Variants in EPB41L3 observed in about 807,000 individuals in gnomAD.
EPB41L3 encodes erythrocyte membrane protein band 4.1 like 3.
EPB41L3 carries 57 observed loss-of-function variants against 127.1 expected under a neutral mutation model. The observed-to-expected ratio is 0.45, with a 90% confidence interval of 0.36 to 0.56. The LOEUF (loss-of-function observed/expected upper bound fraction) is 0.56. Among genes scored for constraint, EPB41L3 ranks in the 20% least tolerant of loss-of-function variants. The probability of loss-of-function intolerance (pLI) is 0.00; values close to 1 mark genes in which losing one functional copy is unlikely to be tolerated. For synonymous variants in EPB41L3, 572 were observed against 549.5 expected, an observed-to-expected ratio of 1.04 and a Z score of -0.57; for missense variants, 1,273 against 1,372.2, an observed-to-expected ratio of 0.93 and a Z score of 1.14.
chr18:5,394,418 G>A (rs2072975049), intron 22 of EPB41L3: 2 of 352,276 alleles, frequency 5.7e-6, no homozygotes, highest in African/African-American at 4.1e-5. Flanking sequence ...GGAACACCAG[G>A]AAGACCACAC....
chr18:5,608,661 AATT>A (rs1404765840), intron 3 of EPB41L3, among the ~76,000 whole-genome samples: 1 of 152,200 alleles, frequency 6.6e-6, no homozygotes, highest in East Asian at 1.9e-4. Flanking sequence ...TCTGGCTACC[AATT>A]ATTACTGGAA....
At chr18:5,547,466 G>C (rs1217983134), upstream of EPB41L3, among the ~76,000 whole-genome samples, 3 of 152,118 alleles carry the variant, frequency 2.0e-5, no homozygotes, top group African/African-American at 7.2e-5. Flanking sequence ...ACAATCCATG[G>C]AAAGTCAGGA....
In EPB41L3 at chr18:5,604,449, A is replaced by G. The variant is rs527363320; in HGVS notation, c.-306+7891T>C. 2.0e-5 allele frequency among the ~76,000 whole-genome samples: 3 copies of G among 152,186 alleles called. No individual in the cohort carries two copies. In the East Asian group the frequency reaches 5.8e-4, roughly 29 times the overall value. On this transcript the variant is annotated intron_variant, in intron 3 of 21. Coordinates refer to the EPB41L3 transcript ENST00000545076. ...ATTCAGAGAGAAATCCATTTTATTA[A>G]AAACCATTTCTTTCTCTTTTTTTTG...
chr18:5,521,577 C>T (rs2092991912), intron 1 of EPB41L3, among the ~76,000 whole-genome samples: 1 of 152,320 alleles, frequency 6.6e-6, no homozygotes, highest in East Asian at 1.9e-4. Flanking sequence ...GACAAAATGG[C>T]TTTGGAATGA....
At chr18:5,455,177 G>A (rs759097357) in intron 3 of EPB41L3, among the ~76,000 whole-genome samples, 7 of 152,164 alleles carry the variant, frequency 4.6e-5, no homozygotes, top group Middle Eastern at 3.4e-3. Context: ...TTTTCATAAG[G>A]AGCCTGATAA....
In EPB41L3 at chr18:5,396,246, T is replaced by C; in HGVS notation, c.2928A>G (p.Pro976=). Residue 976 remains proline, a synonymous_variant, in exon 19 of 23, where the codon CCA becomes CCG. Coordinates refer to ENST00000341928, the MANE Select transcript of EPB41L3 (RefSeq NM_012307.5). Reference sequence around the variant, plus strand: ...TGGTTTTGGTTTCGGTGTGAACTACTGGCACTTCCTTCGTGGAAATTTCTA... The same window carrying C: ...TGGTTTTGGTTTCGGTGTGAACTACCGGCACTTCCTTCGTGGAAATTTCTA... The part of the protein sequence containing the change: ...VKLEISTKEV[P]VVHTETKTIT... 1 of 1,614,258 alleles carries C rather than the reference T, an allele frequency of 6.2e-7. No individual in the cohort carries two copies. The highest frequency in any genetic ancestry group is 8.5e-7 in the Non-Finnish European group (1 of 1,180,040).
At chr18:5,488,513 T>G (rs942109562) in intron 2 of EPB41L3, among the ~76,000 whole-genome samples, 1 of 151,748 alleles carries the variant, frequency 6.6e-6, no homozygotes, top group South Asian at 2.1e-4. Flanking sequence ...TGTATACCTA[T>G]GTAACAAACC....
chr18:5,454,187 T>C (rs1367631975), intron 3 of EPB41L3, among the ~76,000 whole-genome samples: 1 of 149,908 alleles, frequency 6.7e-6, no homozygotes, highest in Admixed American at 6.7e-5. Flanking sequence ...AAGCGGAGAG[T>C]GTGTTTTTTT....
chr18:5,513,556 T>C (rs1311806803), intron 1 of EPB41L3, among the ~76,000 whole-genome samples: 2 of 152,088 alleles, frequency 1.3e-5, no homozygotes, highest in Non-Finnish European at 2.9e-5. Context: ...ACCTAGAGGG[T>C]AAGAGTCTAT....
intron 1 of EPB41L3, among the ~76,000 whole-genome samples, chr18:5,524,715 A>G (rs1380584621): frequency 6.6e-6 from 1 of 152,094 alleles, no homozygotes; most frequent in Admixed American, 6.6e-5. Flanking sequence ...TTAACCACTC[A>G]AAAAGTTAGG....
At chr18:5,505,980 T>C (rs1344164810) in intron 1 of EPB41L3, among the ~76,000 whole-genome samples, 5 of 141,548 alleles carry the variant, frequency 3.5e-5, no homozygotes. Flanking sequence ...CTTCTCTGCA[T>C]ACCTTCACTT....
chr18:5,487,634 G>A (rs957665499), intron 2 of EPB41L3, among the ~76,000 whole-genome samples: 6 of 151,352 alleles, frequency 4.0e-5, no homozygotes, highest in African/African-American at 1.5e-4. Flanking sequence ...TGGGATTACA[G>A]ACGTGCACCA....
At chr18:5,404,298 T>C (rs1274933637) in intron 16 of EPB41L3, among the ~76,000 whole-genome samples, 1 of 152,240 alleles carries the variant, frequency 6.6e-6, no homozygotes, top group Non-Finnish European at 1.5e-5. Context: ...AAGCTCTTTC[T>C]GCTATGTCTC....
rs148923744 is a variant in EPB41L3, at chr18:5,622,499, G to A, written c.-468+6423C>T. On this transcript the variant is annotated intron_variant, in intron 1 of 21. Coordinates refer to the EPB41L3 transcript ENST00000545076. Reference sequence around the variant, plus strand: ...CAGTTGCTACGCATCCCAGTATGCAGTGAGCTAAATAGTAAGGCAATCTTG... The same window carrying A: ...CAGTTGCTACGCATCCCAGTATGCAATGAGCTAAATAGTAAGGCAATCTTG... Among the ~76,000 whole-genome samples, 242 of 152,312 alleles carry A rather than the reference G, an allele frequency of 1.6e-3. 2 individuals are homozygous for A. In the East Asian group the frequency reaches 0.032, roughly 20 times the overall value.
At chr18:5,520,975 C>G (rs186649168) in intron 1 of EPB41L3, among the ~76,000 whole-genome samples, 13 of 152,252 alleles carry the variant, frequency 8.5e-5, no homozygotes, top group African/African-American at 2.6e-4. Context: ...GCTCCATAAC[C>G]CACACACCAC....
intron 3 of EPB41L3, among the ~76,000 whole-genome samples, chr18:5,592,515 G>A (rs1207691796): frequency 6.6e-6 from 1 of 152,164 alleles, no homozygotes; most frequent in Non-Finnish European, 1.5e-5. Flanking sequence ...ATACACCCTG[G>A]GAATCCTGGC....
At chr18:5,569,355 C>G (rs1291515361) in intron 3 of EPB41L3, among the ~76,000 whole-genome samples, 1 of 152,154 alleles carries the variant, frequency 6.6e-6, no homozygotes, top group African/African-American at 2.4e-5. Context: ...CTGCTGTGTA[C>G]ATGACTAAAA....
chr18:5,555,222 C>T (rs1413558682), intron 3 of EPB41L3, among the ~76,000 whole-genome samples: 1 of 152,136 alleles, frequency 6.6e-6, no homozygotes, highest in Non-Finnish European at 1.5e-5. Flanking sequence ...CTGCCTCCAC[C>T]AGGGCACCCA....
At chr18:5,446,592 T>A (rs2081512676) in intron 3 of EPB41L3, among the ~76,000 whole-genome samples, 1 of 152,210 alleles carries the variant, frequency 6.6e-6, no homozygotes, top group Non-Finnish European at 1.5e-5. Flanking sequence ...GCCAAAATAA[T>A]AAGCATTCAA....
Sources: allele counts gnomAD v4.1 joint callset (sites outside exome capture counted in the v4.1 genomes callset), GRCh38; gene constraint gnomAD v4.1.1; transcripts MANE v1.5; gene names NCBI Gene and HGNC (gene_info 2026-07-23, HGNC 2026-07-21).